Variants in FOXJ3 observed in about 807,000 individuals in gnomAD.
FOXJ3 encodes forkhead box protein J3.
In FOXJ3, 22 loss-of-function variants were observed where a neutral mutation model predicts 76.1. The observed-to-expected ratio is 0.29, with a 90% CI of 0.21 to 0.41. FOXJ3 has a LOEUF of 0.41. Ranked by LOEUF, FOXJ3 falls within the 10% of genes least tolerant of loss-of-function variation. The pLI, the probability that FOXJ3 is intolerant of heterozygous loss-of-function variation, is 1.00. For synonymous variants in FOXJ3, 269 were observed against 261.2 expected (o/e 1.03, Z -0.29); for missense variants, 613 against 762.1 (o/e 0.80, Z 2.30).
intron 1 of FOXJ3, among the ~76,000 whole-genome samples, chr1:42,329,703 G>T (rs552690096): frequency 6.6e-6 from 1 of 152,116 alleles, no homozygotes; most frequent in Non-Finnish European, 1.5e-5. Context: ...GTTTTGAGCA[G>T]GGACAAACAA....
chr1:42,202,002 A>AT, intron 6 of FOXJ3, among the ~76,000 whole-genome samples: 1 of 152,104 alleles, frequency 6.6e-6, no homozygotes, highest in Non-Finnish European at 1.5e-5. Context: ...TAAGATGTTC[A>AT]TATCTATCCT....
At chr1:42,214,030 C>T (rs1257375707) in intron 5 of FOXJ3, among the ~76,000 whole-genome samples, 2 of 152,044 alleles carry the variant, frequency 1.3e-5, no homozygotes, top group Non-Finnish European at 2.9e-5. Context: ...TAAATATATA[C>T]AATTATTGTC....
chr1:42,251,486 C>G (rs905172275), intron 4 of FOXJ3, among the ~76,000 whole-genome samples: 1 of 140,540 alleles, frequency 7.1e-6, no homozygotes, highest in African/African-American at 2.5e-5. Context: ...GAAAGGATAC[C>G]AGATGGAGAG....
At chr1:42,260,849 C>CAG (rs1650977558) in intron 4 of FOXJ3, among the ~76,000 whole-genome samples, 1 of 152,150 alleles carries the variant, frequency 6.6e-6, no homozygotes, top group South Asian at 2.1e-4. Context: ...CCTAAAAACT[C>CAG]TTCTATGAAT....
At chr1:42,303,019 C>T (rs559195215) in intron 2 of FOXJ3, among the ~76,000 whole-genome samples, 1 of 151,442 alleles carries the variant, frequency 6.6e-6, no homozygotes, top group South Asian at 2.1e-4. Context: ...TTTCTATTAC[C>T]TTTTTCCACA....
chr1:42,335,179 A>G lies in FOXJ3; in HGVS notation c.-138T>C, dbSNP rs1656413178. Reference sequence around the variant, plus strand: ...GCGGTCGAGGCCCCGAGCAGCCCCGAGAGCGGCGGCGGCAGCAAGAGCAGC... The same window carrying G: ...GCGGTCGAGGCCCCGAGCAGCCCCGGGAGCGGCGGCGGCAGCAAGAGCAGC... On this transcript the variant is annotated 5_prime_UTR_variant, in exon 1 of 13. Coordinates refer to ENST00000361346, the MANE Select transcript of FOXJ3 (RefSeq NM_014947.5). 6.6e-6 allele frequency: 1 copy of G among 152,082 alleles called. No individual in the cohort carries two copies. The highest frequency in any genetic ancestry group is 2.4e-5 in the African/African-American group (1 of 41,402). The allele number at this position is 152,082 out of a possible 1,614,324, so 9.4% of individuals were successfully genotyped here.
At chr1:42,231,729 A>T (rs1428355914) in intron 4 of FOXJ3, among the ~76,000 whole-genome samples, 4 of 151,998 alleles carry the variant, frequency 2.6e-5, no homozygotes, top group African/African-American at 9.7e-5. Context: ...TGCAGCCTTG[A>T]CCTCCAAAGC....
intron 4 of FOXJ3, among the ~76,000 whole-genome samples, chr1:42,257,039 C>G (rs939574077): frequency 2.6e-5 from 4 of 152,178 alleles, no homozygotes; most frequent in Non-Finnish European, 5.9e-5. Context: ...GGATCACTAT[C>G]TAAAACCGGG....
intron 5 of FOXJ3, among the ~76,000 whole-genome samples, chr1:42,218,034 C>T (rs986163941): frequency 2.6e-5 from 4 of 152,138 alleles, no homozygotes; most frequent in Admixed American, 2.0e-4. Context: ...GCAGTGCTCC[C>T]ACATAATGTA....
At chr1:42,292,697 C>T (rs911096936) in intron 2 of FOXJ3, among the ~76,000 whole-genome samples, 3 of 152,112 alleles carry the variant, frequency 2.0e-5, no homozygotes, top group South Asian at 2.1e-4. Flanking sequence ...CTGGGAATGA[C>T]GGGTATGTTC....
At chr1:42,204,537 T>C (rs972960498) in intron 6 of FOXJ3, among the ~76,000 whole-genome samples, 2 of 152,184 alleles carry the variant, frequency 1.3e-5, no homozygotes, top group Non-Finnish European at 2.9e-5. Flanking sequence ...AGAGCAGTAT[T>C]AGGTATTTCT....
intron 4 of FOXJ3, among the ~76,000 whole-genome samples, chr1:42,264,091 C>CAA (rs1031187331): frequency 3.3e-5 from 5 of 151,706 alleles, no homozygotes; most frequent in African/African-American, 1.2e-4. Flanking sequence ...GAGGGAGCAA[C>CAA]AAATTCAGCT....
chr1:42,257,383 A>G (rs1399313716), intron 4 of FOXJ3, among the ~76,000 whole-genome samples: 7 of 152,146 alleles, frequency 4.6e-5, no homozygotes, highest in African/African-American at 1.7e-4. Context: ...GCAATTCATA[A>G]ACTTCAGAAA....
chr1:42,316,516 G>T (rs1387654534), intron 1 of FOXJ3, among the ~76,000 whole-genome samples: 1 of 151,614 alleles, frequency 6.6e-6, no homozygotes, highest in Non-Finnish European at 1.5e-5. Flanking sequence ...ACACAGAAAT[G>T]CAATGCTTTA....
chr1:42,217,988 G>A (rs149004105), intron 5 of FOXJ3, among the ~76,000 whole-genome samples: 16 of 152,200 alleles, frequency 1.1e-4, no homozygotes, highest in African/African-American at 3.9e-4. Flanking sequence ...TAACCCCCAG[G>A]AAATTCTACT....
intron 4 of FOXJ3, among the ~76,000 whole-genome samples, chr1:42,230,876 G>A (rs1352062183): frequency 6.6e-6 from 1 of 152,044 alleles, no homozygotes; most frequent in Non-Finnish European, 1.5e-5. Context: ...ACGAAAGCAG[G>A]AACTCAAGTA....
At chr1:42,209,002 T>C (rs1162422465) in intron 5 of FOXJ3, among the ~76,000 whole-genome samples, 1 of 152,214 alleles carries the variant, frequency 6.6e-6, no homozygotes, top group Non-Finnish European at 1.5e-5. Context: ...CTACTGAATA[T>C]GTGTTGCTTT....
intron 1 of FOXJ3, chr1:42,334,845 C>CG (rs1557734945): frequency 6.6e-6 from 1 of 152,156 alleles, no homozygotes; most frequent in East Asian, 1.9e-4. Context: ...AGAAGCGCCG[C>CG]GGGGGAGGGA....
intron 2 of FOXJ3, among the ~76,000 whole-genome samples, chr1:42,296,856 G>A (rs1421314660): frequency 6.6e-6 from 1 of 152,192 alleles, no homozygotes; most frequent in Admixed American, 6.5e-5. Flanking sequence ...TTAGTAATTT[G>A]AAAGGAATTT....
Sources: gnomAD v4.1 joint callset for allele counts (sites outside exome capture counted in the v4.1 genomes callset) on GRCh38, gnomAD v4.1.1 for gene constraint, MANE v1.5 for transcripts, NCBI Gene and HGNC (gene_info 2026-07-23, HGNC 2026-07-21) for gene names.